Variants in GAN observed in about 807,000 individuals in gnomAD.
GAN encodes the protein gigaxonin.
GAN carries 48 observed loss-of-function variants against 71.3 expected under a neutral mutation model. The ratio of observed to expected loss-of-function variants is 0.67; its 90% CI spans 0.53 to 0.86. The LOEUF is 0.86. GAN is among the 40% of genes least tolerant of loss of function. GAN has a pLI of 0.00. For synonymous variants in GAN, 386 were observed against 276.8 expected (o/e 1.39, Z -3.92); for missense variants, 928 against 770.1 (o/e 1.21, Z -2.43).
chr16:81,383,051 T>C lies in GAN; in HGVS notation c.*5455T>C, dbSNP rs1904313902. ...CTGATCTTAAACTCCTGGCCTCAGA[T>C]GTGGAGACCCAGCTGGGACTACAGG... On this transcript the variant is annotated 3_prime_UTR_variant, in exon 11 of 11. Transcript: ENST00000648994. 1 of 152,108 alleles carries C rather than the reference T, an allele frequency of 6.6e-6. No homozygotes were observed. The highest frequency in any genetic ancestry group is 1.5e-5 in the Non-Finnish European group (1 of 68,016). The allele number at this position is 152,108 out of a possible 1,614,324, so 9.4% of individuals were successfully genotyped here. A position where few individuals can be genotyped will look rare whatever the true frequency, so the allele number is the denominator to read the frequency against.
At chr16:81,336,175 C>T (rs973978971) in intron 1 of GAN, among the ~76,000 whole-genome samples, 4 of 152,188 alleles carry the variant, frequency 2.6e-5, no homozygotes, top group African/African-American at 9.7e-5. Flanking sequence ...CCTGTAGGCC[C>T]CTGGCACCCA....
chr16:81,328,944 C>G (rs972348636), intron 1 of GAN, among the ~76,000 whole-genome samples: 1 of 152,162 alleles, frequency 6.6e-6, no homozygotes, highest in Non-Finnish European at 1.5e-5. Context: ...ATCTCCGTGG[C>G]TAAACAGGCA....
At chr16:81,331,128 C>G (rs956418452) in intron 1 of GAN, among the ~76,000 whole-genome samples, 1 of 152,180 alleles carries the variant, frequency 6.6e-6, no homozygotes, top group African/African-American at 2.4e-5. Flanking sequence ...TCACTTGAGC[C>G]CAGAAGTTTG....
rs1377768217 is a variant in GAN, at chr16:81,354,584, A to G, written c.462A>G (p.Thr154=). ...TCCATCACGTTCATTACCTTGCCAC[A>G]GAATACCTGGAGACTCATTTCCGAG... ...YCLHHVHYLA[T]EYLETHFRDV... The change falls in exon 3 of 11, where the codon ACA becomes ACG. Residue 154 remains threonine, a synonymous_variant. Transcript: ENST00000648994. 1 of 1,614,190 alleles carries G rather than the reference A, an allele frequency of 6.2e-7. No individual in the cohort carries two copies.
chr16:81,366,131 C>G (rs916763916), intron 9 of GAN, among the ~76,000 whole-genome samples: 12 of 152,244 alleles, frequency 7.9e-5, no homozygotes, highest in African/African-American at 2.9e-4. Flanking sequence ...CTTCTCATGC[C>G]TCCTAGTCTG....
Position 81,315,188 on chromosome 16 carries a change from G to C in GAN, c.75G>C (p.Glu25Asp). 5.7e-6 allele frequency: 9 copies of C among 1,575,936 alleles called. No individual in the cohort carries two copies. Among genetic ancestry groups the C allele is most frequent in the Non-Finnish European group, 7.7e-6 (9 of 1,163,506 alleles). Residue 25 changes from glutamate (E) to aspartate (D), a missense_variant, in exon 1 of 11, where the codon GAG becomes GAC. Coordinates refer to ENST00000648994, the MANE Select transcript of GAN (RefSeq NM_022041.4). ...TGCGAGCGCTCAGCTCTTTCCGCGA[G>C]GAGTCTCGCTTCTGCGACGCGCACC... is the stretch of plus-strand genomic sequence containing the variant. ...RLLRALSSFR[E>D]ESRFCDAHLV...
rs1904308961 is a variant in GAN at position 81,382,195 on chromosome 16, T to A, written c.*4599T>A. 6.6e-6 allele frequency: 1 copy of A among 152,162 alleles called. No individual in the cohort carries two copies. Among genetic ancestry groups the A allele is most frequent in the African/African-American group, 2.4e-5 (1 of 41,442 alleles). The allele number at this position is 152,162 out of a possible 1,614,324, so 9.4% of individuals were successfully genotyped here. Reference sequence around the variant, plus strand: ...ATAGATATGGCTTCATTTCTCACTTTAGGGAGGAGCAAGAACCAAAAGCAG... The same window carrying A: ...ATAGATATGGCTTCATTTCTCACTTAAGGGAGGAGCAAGAACCAAAAGCAG... On this transcript the variant is annotated 3_prime_UTR_variant, in exon 11 of 11. Coordinates refer to ENST00000648994, the MANE Select transcript of GAN (RefSeq NM_022041.4).
At chr16:81,337,494 A>C (rs1424774153) in intron 1 of GAN, among the ~76,000 whole-genome samples, 1 of 152,182 alleles carries the variant, frequency 6.6e-6, no homozygotes, top group African/African-American at 2.4e-5. Context: ...TCACGTCTAA[A>C]ATGATTCTTG....
At chr16:81,346,527 T>G (rs1862843) in intron 1 of GAN, among the ~76,000 whole-genome samples, 57 of 152,210 alleles carry the variant, frequency 3.7e-4, no homozygotes, top group African/African-American at 1.3e-3. Flanking sequence ...CTATTGTGAA[T>G]TGGGCATGTG....
rs16955109 is a variant in GAN, at chr16:81,351,436, A to G, written c.168-147A>G. On this transcript the variant is annotated intron_variant, in intron 1 of 10. Transcript: ENST00000648994. Reference sequence around the variant, plus strand: ...TTGTAGTTGAAAGTTATAGAAATACATAGACCTAAAGTTAACGAACTAAAT... The same window carrying G: ...TTGTAGTTGAAAGTTATAGAAATACGTAGACCTAAAGTTAACGAACTAAAT... The G allele has an allele frequency of 0.027, 17,034 of 620,994 alleles. 592 individuals carry two copies. The highest frequency in any genetic ancestry group is 0.1 in the African/African-American group (5,582 of 54,404). The allele number at this position is 620,994 out of a possible 1,614,324, so 38.5% of individuals were successfully genotyped here.
chr16:81,315,885 C>A (rs1032524800), intron 1 of GAN, among the ~76,000 whole-genome samples: 4 of 152,250 alleles, frequency 2.6e-5, no homozygotes, highest in Non-Finnish European at 4.4e-5. Flanking sequence ...GTCCGAACCT[C>A]CGGGCGAAAT....
At chr16:81,321,442 C>T (rs1427076498) in intron 1 of GAN, among the ~76,000 whole-genome samples, 4 of 152,160 alleles carry the variant, frequency 2.6e-5, no homozygotes, top group East Asian at 1.9e-4. Flanking sequence ...CTTCAATGTT[C>T]TTAAATTAGT....
At chr16:81,364,663 A>T (rs965486012) in intron 7 of GAN, among the ~76,000 whole-genome samples, 2 of 152,182 alleles carry the variant, frequency 1.3e-5, no homozygotes, top group African/African-American at 2.4e-5. Context: ...CACTCCAGCC[A>T]AGGCAACTGA....
chr16:81,369,558 C>T (rs1039686400), intron 9 of GAN, among the ~76,000 whole-genome samples: 2 of 152,196 alleles, frequency 1.3e-5, no homozygotes, highest in Non-Finnish European at 2.9e-5. Context: ...TCTTTTCTAG[C>T]TTCTTTGGGT....
At chr16:81,339,679 G>T (rs565681305) in intron 1 of GAN, among the ~76,000 whole-genome samples, 1 of 152,178 alleles carries the variant, frequency 6.6e-6, no homozygotes, top group Admixed American at 6.5e-5. Context: ...TTCATAACAG[G>T]AATCTATTTT....
intron 1 of GAN, among the ~76,000 whole-genome samples, chr16:81,316,658 C>T (rs1909052711): frequency 6.6e-6 from 1 of 152,190 alleles, no homozygotes; most frequent in Non-Finnish European, 1.5e-5. Context: ...CTGAAGAAAA[C>T]TACTTTAGAT....
chr16:81,373,688 G>T (rs1340303132), intron 9 of GAN, among the ~76,000 whole-genome samples: 2 of 152,208 alleles, frequency 1.3e-5, no homozygotes. Flanking sequence ...TCCAATCCAG[G>T]ATTCTACCTT....
chr16:81,368,589 G>A (rs1910936822), intron 9 of GAN, among the ~76,000 whole-genome samples: 1 of 152,190 alleles, frequency 6.6e-6, no homozygotes. Context: ...CATCCTGAGT[G>A]CCAGAGCAAG....
Position 81,378,015 on chromosome 16 carries a change from A to C in GAN, c.*419A>C, listed in dbSNP as rs1904288068. ...TCCGTATATGCAAATCAACATATCC[A>C]AACATGCCAAGACTGCTTTTCCACT... On this transcript the variant is annotated 3_prime_UTR_variant, in exon 11 of 11. Transcript: ENST00000648994. 1 of 262,204 alleles carries C rather than the reference A, an allele frequency of 3.8e-6. No homozygotes were observed. The highest frequency in any genetic ancestry group is 2.2e-5 in the African/African-American group (1 of 45,356). 16.2% of individuals were successfully genotyped at this position (262,204 alleles called of 1,614,324 possible). A position where few individuals can be genotyped will look rare whatever the true frequency, so the allele number is the denominator to read the frequency against.
Sources: gnomAD v4.1 joint callset for allele counts (sites outside exome capture counted in the v4.1 genomes callset) on GRCh38, gnomAD v4.1.1 for gene constraint, MANE v1.5 for transcripts, NCBI Gene and HGNC (gene_info 2026-07-23, HGNC 2026-07-21) for gene names.